The following ANKRD12 variants were observed in gnomAD, a reference collection of about 807,000 sequenced individuals.
ANKRD12 encodes the protein ankyrin repeat domain-containing protein 12.
A neutral mutation model predicts 183.4 loss-of-function variants in ANKRD12; 85 were observed. The observed-to-expected ratio is 0.46, with a 90% CI of 0.39 to 0.56. The LOEUF (loss-of-function observed/expected upper bound fraction) is 0.56. ANKRD12 is among the 20% of genes least tolerant of loss of function. The pLI, the probability that ANKRD12 is intolerant of heterozygous loss-of-function variation, is 0.00. For missense variants in ANKRD12, 2,405 were observed against 2,357.1 expected (o/e 1.02, Z -0.42); for synonymous variants, 914 against 800.2 (o/e 1.14, Z -2.40).
intron 2 of ANKRD12, among the ~76,000 whole-genome samples, chr18:9,188,530 T>G (rs898677551): frequency 6.6e-6 from 1 of 152,238 alleles, no homozygotes; most frequent in Non-Finnish European, 1.5e-5. Context: ...CACCTACAGA[T>G]AGCTATTAAC....
At chr18:9,148,595 C>T (rs990003122) in intron 1 of ANKRD12, among the ~76,000 whole-genome samples, 3 of 151,782 alleles carry the variant, frequency 2.0e-5, no homozygotes, top group Non-Finnish European at 2.9e-5. Flanking sequence ...AAATTATTTC[C>T]AAAGCAATTT....
chr18:9,278,744 T>A (rs557153351), intron 11 of ANKRD12, among the ~76,000 whole-genome samples: 6 of 150,012 alleles, frequency 4.0e-5, no homozygotes, highest in African/African-American at 1.5e-4. Flanking sequence ...TTGCAGAGAG[T>A]CAAGATTCCA....
At chr18:9,245,817 G>A (rs948438602) in intron 8 of ANKRD12, among the ~76,000 whole-genome samples, 6 of 152,172 alleles carry the variant, frequency 3.9e-5, no homozygotes, top group Non-Finnish European at 8.8e-5. Context: ...AAAGATAGAA[G>A]TAGAAGATAT....
At position 9,257,901 on chromosome 18, in the gene ANKRD12, C is replaced by A; in HGVS notation, c.4634C>A (p.Thr1545Lys). Residue 1545 changes from threonine (T) to lysine (K), a missense_variant, in exon 9 of 13, where the codon ACA (threonine) becomes AAA (lysine). By Grantham distance (78) the Thr-to-Lys change is moderately conservative. This residue lies in a region of ANKRD12 where 1,983 missense variants were observed against 1,725.9 expected (regional missense o/e 1.15). Transcript: ENST00000262126. ...LDTDNESTKD[T>K]ENTFVLGDVQ... ...ACTGATAATGAATCTACAAAAGATA[C>A]AGAAAATACTTTTGTCCTAGGAGAT... The A allele has an allele frequency of 1.2e-6, 2 of 1,613,658 alleles. No individual in the cohort carries two copies. Among genetic ancestry groups the A allele is most frequent in the Non-Finnish European group, 1.7e-6 (2 of 1,179,768 alleles).
At position 9,263,898 on chromosome 18, in the gene ANKRD12, GT is replaced by G; in HGVS notation, c.5763+13del. The G allele has an allele frequency of 7.0e-7, 1 of 1,422,932 alleles. No homozygotes were observed. Among genetic ancestry groups the G allele is most frequent in the Non-Finnish European group, 9.6e-7 (1 of 1,039,128 alleles). The allele number at this position is 1,422,932 out of a possible 1,614,324, so 88.1% of individuals were successfully genotyped here. ...ACACAGTATTGAAAGGGTAAGAAAT[GT>G]TTAAATTTACACTTATGCTAAAAAT... On this transcript the variant is annotated intron_variant, in intron 10 of 12. Transcript: ENST00000262126.
chr18:9,238,521 T>G (rs886567118), intron 8 of ANKRD12, among the ~76,000 whole-genome samples: 1 of 152,244 alleles, frequency 6.6e-6, no homozygotes. Context: ...ATCATTCATC[T>G]GCACATATAA....
intron 10 of ANKRD12, 96 bp from the exon 11 acceptor site, chr18:9,275,428 A>G: frequency 9.1e-7 from 1 of 1,097,610 alleles, no homozygotes; most frequent in Non-Finnish European, 1.3e-6. Context: ...AGCTGTGATC[A>G]CACCACTGCA....
chr18:9,272,037 G>A (rs1354524477), intron 10 of ANKRD12, among the ~76,000 whole-genome samples: 1 of 152,084 alleles, frequency 6.6e-6, no homozygotes, highest in African/African-American at 2.4e-5. Context: ...CATTTCCTCA[G>A]AACTTCCCCA....
At chr18:9,167,789 T>C (rs2032242975) in intron 1 of ANKRD12, among the ~76,000 whole-genome samples, 1 of 152,250 alleles carries the variant, frequency 6.6e-6, no homozygotes, top group Admixed American at 6.5e-5. Context: ...CATCTCTGTC[T>C]TGTGCCAGTT....
chr18:9,178,288 A>G (rs936676715), intron 1 of ANKRD12, among the ~76,000 whole-genome samples: 2 of 150,000 alleles, frequency 1.3e-5, no homozygotes, highest in Admixed American at 1.3e-4. Context: ...TTTGAGGCTA[A>G]TTTTTCTCTG....
intron 1 of ANKRD12, chr18:9,137,435 A>T (rs2078149023): frequency 6.9e-6 from 1 of 145,250 alleles, no homozygotes. Context: ...TGCGAGTGTG[A>T]GTGTGCGCGG....
rs150857417 is a variant in ANKRD12, at chr18:9,255,133, C to T, written c.1866C>T (p.Ala622=). The T allele has an allele frequency of 1.3e-6, 2 of 1,566,086 alleles. No individual in the cohort carries two copies. Among genetic ancestry groups the T allele is most frequent in the Non-Finnish European group, 1.7e-6 (2 of 1,161,808 alleles). ...TAGAATTTGGTGAAAAATCAAATGC[C>T]AAAATAAAGGATGAAGATCATAGTC... ...FHLEFGEKSN[A]KIKDEDHSPT... Residue 622 remains alanine, a synonymous_variant, in exon 9 of 13, where the codon GCC becomes GCT. Transcript: ENST00000262126.
chr18:9,275,480 A>T, intron 10 of ANKRD12, 44 bp from the exon 11 acceptor site: 1 of 1,577,210 alleles, frequency 6.3e-7, no homozygotes, highest in South Asian at 1.1e-5. Flanking sequence ...TTAAACAAAA[A>T]TTTGTTGAAG....
At chr18:9,145,867 G>A (rs1210823384) in intron 1 of ANKRD12, among the ~76,000 whole-genome samples, 2 of 152,226 alleles carry the variant, frequency 1.3e-5, no homozygotes, top group African/African-American at 2.4e-5. Context: ...CCAATTGTAA[G>A]CACATATCTG....
intron 8 of ANKRD12, among the ~76,000 whole-genome samples, chr18:9,227,399 G>A (rs796275175): frequency 3.0e-4 from 46 of 152,208 alleles, no homozygotes; most frequent in African/African-American, 1.0e-3. Flanking sequence ...ATCTTAAAAT[G>A]TTTTCTACAA....
chr18:9,215,977 T>G (rs1431983465), intron 6 of ANKRD12, among the ~76,000 whole-genome samples: 2 of 151,380 alleles, frequency 1.3e-5, no homozygotes, highest in Non-Finnish European at 2.9e-5. Flanking sequence ...GAAAACAGAT[T>G]GACCTTAGAG....
chr18:9,179,643 G>C (rs908077666), intron 1 of ANKRD12, among the ~76,000 whole-genome samples: 1 of 152,134 alleles, frequency 6.6e-6, no homozygotes, highest in South Asian at 2.1e-4. Context: ...AGCCTCCTGA[G>C]TAGCTGGGAC....
chr18:9,256,222 T>C lies in ANKRD12; in HGVS notation c.2955T>C (p.Ser985=), dbSNP rs1475922056. Residue 985 remains serine, a synonymous_variant, in exon 9 of 13, where the codon AGT becomes AGC. Transcript: ENST00000262126. The stretch of plus-strand genomic sequence containing the variant: ...ACATACAGGAAGAAAAAAAATCAAG[T>C]ATAGTAGACGGTAATAAAGCACAAC... ...SKHIQEEKKS[S]IVDGNKAQHE... 1.9e-6 allele frequency: 3 copies of C among 1,587,090 alleles called. No individual in the cohort carries two copies. Among genetic ancestry groups the C allele is most frequent in the South Asian group, 1.2e-5 (1 of 84,960 alleles).
intron 12 of ANKRD12, among the ~76,000 whole-genome samples, chr18:9,279,866 G>T (rs2040027126): frequency 6.6e-6 from 1 of 152,138 alleles, no homozygotes; most frequent in Non-Finnish European, 1.5e-5. Context: ...AGTTTCTAGT[G>T]TGGGTCTTCA....
Sources: gnomAD v4.1 joint callset for allele counts (sites outside exome capture counted in the v4.1 genomes callset) on GRCh38, gnomAD v4.1.1 for gene constraint, gnomAD v4.1.1 regional missense constraint, MANE v1.5 for transcripts, NCBI Gene and HGNC (gene_info 2026-07-23, HGNC 2026-07-21) for gene names.